Variants in ASIC2 observed in about 807,000 individuals in gnomAD.
The protein encoded by ASIC2 is acid sensing ion channel subunit 2.
ASIC2 carries 25 observed loss-of-function variants against 57.3 expected under a neutral mutation model. That is an observed-to-expected ratio of 0.44 (90% CI 0.32 to 0.61). The LOEUF (loss-of-function observed/expected upper bound fraction) is 0.61. Among genes scored for constraint, ASIC2 ranks in the 20% least tolerant of loss-of-function variants. The pLI, the probability that ASIC2 is intolerant of heterozygous loss-of-function variation, is 0.06. For synonymous variants in ASIC2, 319 were observed against 307.5 expected, an observed-to-expected ratio of 1.04 and a Z score of -0.39; for missense variants, 641 against 738.1, an observed-to-expected ratio of 0.87 and a Z score of 1.52.
At chr17:33,403,179 C>T (rs761292753) in intron 1 of ASIC2, among the ~76,000 whole-genome samples, 6 of 152,124 alleles carry the variant, frequency 3.9e-5, no homozygotes, top group South Asian at 4.2e-4. Flanking sequence ...TGAGTGCACT[C>T]GGGCAGAGCC....
At chr17:33,315,509 A>G (rs1370014426) in intron 1 of ASIC2, among the ~76,000 whole-genome samples, 1 of 152,228 alleles carries the variant, frequency 6.6e-6, no homozygotes, top group Non-Finnish European at 1.5e-5. Flanking sequence ...ATGGGAAAGT[A>G]CATATCGTGA....
At chr17:33,911,769 C>T (rs1377936332) in intron 1 of ASIC2, among the ~76,000 whole-genome samples, 1 of 152,106 alleles carries the variant, frequency 6.6e-6, no homozygotes, top group Non-Finnish European at 1.5e-5. Context: ...CTCAAGCTAG[C>T]TAACATTCAT....
At chr17:33,670,579 T>A (rs1256428690) in intron 1 of ASIC2, among the ~76,000 whole-genome samples, 1 of 152,222 alleles carries the variant, frequency 6.6e-6, no homozygotes, top group Non-Finnish European at 1.5e-5. Context: ...CCTGGATACC[T>A]CCTTTGATCA....
chr17:33,888,853 T>C (rs1240278590), intron 1 of ASIC2, among the ~76,000 whole-genome samples: 1 of 152,120 alleles, frequency 6.6e-6, no homozygotes, highest in Non-Finnish European at 1.5e-5. Flanking sequence ...TTTGAGGTCA[T>C]TGGCTACTTT....
At chr17:33,224,588 A>T (rs1907807616) in intron 1 of ASIC2, among the ~76,000 whole-genome samples, 1 of 152,242 alleles carries the variant, frequency 6.6e-6, no homozygotes, top group East Asian at 1.9e-4. Context: ...GAATGTATGC[A>T]TGTGGAAACA....
chr17:33,937,430 T>A (rs959670740), intron 1 of ASIC2, among the ~76,000 whole-genome samples: 8 of 151,946 alleles, frequency 5.3e-5, no homozygotes, highest in African/African-American at 1.9e-4. Flanking sequence ...GAGCTCTTTT[T>A]TTTTTTTCCC....
At chr17:33,622,337 T>C (rs1371612158) in intron 1 of ASIC2, among the ~76,000 whole-genome samples, 2 of 152,026 alleles carry the variant, frequency 1.3e-5, no homozygotes, top group Non-Finnish European at 2.9e-5. Flanking sequence ...GGACTAGGCT[T>C]TAGGATTGAG....
intron 1 of ASIC2, among the ~76,000 whole-genome samples, chr17:33,269,311 C>T (rs1239883713): frequency 2.6e-5 from 4 of 152,194 alleles, no homozygotes; most frequent in Admixed American, 1.3e-4. Context: ...ACCTAGAACC[C>T]CTGGGAGACA....
intron 1 of ASIC2, among the ~76,000 whole-genome samples, chr17:33,872,750 C>T (rs1586732): frequency 0.45 from 68,521 of 151,896 alleles, 15,680 homozygotes; most frequent in East Asian, 0.59. Context: ...AAGGAGGAGA[C>T]GAGGGCAAAG....
chr17:33,488,622 A>T (rs1044899683), intron 1 of ASIC2, among the ~76,000 whole-genome samples: 1 of 152,188 alleles, frequency 6.6e-6, no homozygotes, highest in African/African-American at 2.4e-5. Context: ...ACAGCATAAA[A>T]TGTATCATCT....
intron 1 of ASIC2, among the ~76,000 whole-genome samples, chr17:33,447,535 T>A (rs1160668168): frequency 6.6e-6 from 1 of 152,150 alleles, no homozygotes; most frequent in Non-Finnish European, 1.5e-5. Flanking sequence ...TGAGTGAGGC[T>A]TAGCAAGGGA....
intron 3 of ASIC2, among the ~76,000 whole-genome samples, chr17:33,032,453 T>C (rs991212607): frequency 7.0e-6 from 1 of 143,066 alleles, no homozygotes; most frequent in Admixed American, 6.9e-5. Flanking sequence ...TTTTTTTTTT[T>C]TTTTTTTTTT....
chr17:33,219,902 G>A (rs558702530), intron 1 of ASIC2, among the ~76,000 whole-genome samples: 1 of 152,202 alleles, frequency 6.6e-6, no homozygotes, highest in Non-Finnish European at 1.5e-5. Context: ...GCTCTGCAGA[G>A]CAGGGTCATG....
chr17:33,506,282 G>C (rs12939444), intron 1 of ASIC2, among the ~76,000 whole-genome samples: 2 of 151,634 alleles, frequency 1.3e-5, no homozygotes, highest in Non-Finnish European at 2.9e-5. Context: ...GTGTGGTGGC[G>C]GGCGCCTGTA....
intron 1 of ASIC2, among the ~76,000 whole-genome samples, chr17:33,891,164 G>A (rs1914952096): frequency 6.6e-6 from 1 of 152,190 alleles, no homozygotes; most frequent in South Asian, 2.1e-4. Flanking sequence ...CATCTGAACA[G>A]GGAATTAGTC....
chr17:33,912,717 C>T (rs1188347337), intron 1 of ASIC2, among the ~76,000 whole-genome samples: 2 of 57,712 alleles, frequency 3.5e-5, no homozygotes, highest in African/African-American at 6.6e-5. Flanking sequence ...AGGTGTCTCA[C>T]GCCTGTAATC....
At chr17:33,502,944 A>G (rs754253936) in intron 1 of ASIC2, among the ~76,000 whole-genome samples, 17 of 152,184 alleles carry the variant, frequency 1.1e-4, no homozygotes, top group Non-Finnish European at 1.9e-4. Flanking sequence ...AGGAAGGCGC[A>G]TTTAAGAAAA....
At chr17:33,607,761 G>A (rs999841605) in intron 1 of ASIC2, among the ~76,000 whole-genome samples, 1 of 152,150 alleles carries the variant, frequency 6.6e-6, no homozygotes, top group African/African-American at 2.4e-5. Context: ...ACTCACTACA[G>A]AAATCTGAGC....
chr17:33,768,019 T>G (rs1356426775), intron 1 of ASIC2, among the ~76,000 whole-genome samples: 1 of 152,092 alleles, frequency 6.6e-6, no homozygotes, highest in Non-Finnish European at 1.5e-5. Flanking sequence ...CAATTTTTTT[T>G]TTTTTTTGAG....
Sources: gnomAD v4.1 joint callset for allele counts (sites outside exome capture counted in the v4.1 genomes callset) on GRCh38, gnomAD v4.1.1 for gene constraint, MANE v1.5 for transcripts, NCBI Gene and HGNC (gene_info 2026-07-23, HGNC 2026-07-21) for gene names.